Variants in PNPLA8 observed in about 807,000 individuals in gnomAD.
PNPLA8 encodes the protein patatin like domain 8, phospholipase A2.
Under a neutral mutation model 76.9 loss-of-function variants are expected in PNPLA8, and 39 were observed. The observed-to-expected ratio is 0.51, with a 90% CI of 0.39 to 0.66. The LOEUF (loss-of-function observed/expected upper bound fraction) is 0.66, where lower values mean the gene tolerates loss of function less well. PNPLA8 is among the 30% of genes least tolerant of loss of function. PNPLA8 has a pLI of 0.00. For synonymous variants in PNPLA8, 301 were observed against 307.9 expected (o/e 0.98, Z 0.24); for missense variants, 887 against 918.0 (o/e 0.97, Z 0.44).
chr7:108,482,907 C>G (rs1461883049), intron 9 of PNPLA8, among the ~76,000 whole-genome samples: 2 of 152,124 alleles, frequency 1.3e-5, no homozygotes, highest in Non-Finnish European at 1.5e-5. Context: ...GCTTAAAGGT[C>G]CCATTAAGAA....
At chr7:108,505,340 ATATATATATATATTTTTTTTTT>A (rs2154516111) in intron 4 of PNPLA8, among the ~76,000 whole-genome samples, 1 of 5,564 alleles carries the variant, frequency 1.8e-4, no homozygotes, top group Non-Finnish European at 2.6e-4. Context: ...ATATATATAT[ATATATATATATATTTTTTTTTT>A]TTTTTTTTTT....
chr7:108,491,515 C>G (rs760731569), intron 7 of PNPLA8, 48 bp from the exon 8 acceptor site: 8 of 1,158,392 alleles, frequency 6.9e-6, no homozygotes, highest in Non-Finnish European at 1.0e-5. Flanking sequence ...GACTTTATCT[C>G]CTAACAACCA....
rs755156310 is a variant in PNPLA8, at chr7:108,472,715, A to AGAGGGGAAG, written c.2075-41_2075-40insCTTCCCCTC. On this transcript the variant is annotated intron_variant, in intron 10 of 10. Transcript: ENST00000257694. ...AAGAAAAGGATAAGGGGATAAGAAAAGAGGGGATAAAGTGAGCAATGAACT... is the reference window on the plus strand; with the variant it reads ...AAGAAAAGGATAAGGGGATAAGAAAAGAGGGGAAGGAGGGGATAAAGTGAGCAATGAACT... The AGAGGGGAAG allele has an allele frequency of 7.7e-6, 11 of 1,435,692 alleles. No homozygotes were observed. The South Asian group carries it at 1.6e-4, about 20-fold the overall frequency. 88.9% of individuals were successfully genotyped at this position (1,435,692 alleles called of 1,614,324 possible). A position where few individuals can be genotyped will look rare whatever the true frequency, so the allele number is the denominator to read the frequency against.
intron 9 of PNPLA8, among the ~76,000 whole-genome samples, chr7:108,480,186 G>C (rs1043024537): frequency 6.6e-6 from 1 of 152,026 alleles, no homozygotes; most frequent in African/African-American, 2.4e-5. Context: ...GAGCAACATA[G>C]GGACACCTGG....
Position 108,472,486 on chromosome 7 carries a change from TCTTGA to T in PNPLA8, c.2259_2263del (p.Ser753ArgfsTer9), listed in dbSNP as rs751849953. ...ATTAATTTTCTGCAGAGTTGTTTTT[TCTTGA>T]CTTAATATTTTTGCAACTTTTTTCA... On this transcript the variant is annotated frameshift_variant, in exon 11 of 11. Coordinates refer to ENST00000257694, the MANE Select transcript of PNPLA8 (RefSeq NM_001256007.3). LOFTEE classifies it high-confidence loss of function. 2.1e-5 allele frequency: 33 copies of T among 1,607,732 alleles called. No individual in the cohort carries two copies. The highest frequency in any genetic ancestry group is 2.7e-5 in the Non-Finnish European group (32 of 1,176,630).
At chr7:108,478,685 C>A (rs1487358023) in intron 10 of PNPLA8, among the ~76,000 whole-genome samples, 1 of 152,148 alleles carries the variant, frequency 6.6e-6, no homozygotes, top group Non-Finnish European at 1.5e-5. Flanking sequence ...AGCCATCGTG[C>A]CCAACCTAAT....
Position 108,514,764 on chromosome 7 carries a change from T to G in PNPLA8, c.728A>C (p.Glu243Ala). Reference protein sequence around the residue: ...KSELEDKKVEEGKLRSPDPGI... With the variant: ...KSELEDKKVEAGKLRSPDPGI... Reference sequence around the variant, plus strand: ...AGGATCTGGAGATCTTAATTTCCCCTCTTCTACCTTTTTATCTTCAAGTTC... The same window carrying G: ...AGGATCTGGAGATCTTAATTTCCCCGCTTCTACCTTTTTATCTTCAAGTTC... The change falls in exon 3 of 11, where the codon GAG (glutamate) becomes GCG (alanine). Residue 243 changes from glutamate to alanine, a missense_variant. Glu to Ala is a moderately radical substitution (Grantham distance 107). Transcript: ENST00000257694. The G allele has an allele frequency of 6.2e-7, 1 of 1,613,000 alleles. No individual in the cohort carries two copies. The highest frequency in any genetic ancestry group is 1.1e-5 in the South Asian group (1 of 91,054).
chr7:108,487,302 T>G (rs1052021446), intron 9 of PNPLA8, among the ~76,000 whole-genome samples: 1 of 152,182 alleles, frequency 6.6e-6, no homozygotes, highest in African/African-American at 2.4e-5. Flanking sequence ...TTAAATGAGA[T>G]AATGCATGCA....
chr7:108,490,476 TTC>T (rs1861068544), intron 8 of PNPLA8, among the ~76,000 whole-genome samples: 1 of 152,160 alleles, frequency 6.6e-6, no homozygotes. Context: ...CATATAAAAT[TTC>T]TCTTTAAAAA....
rs1364910907 is a variant in PNPLA8, at chr7:108,510,382, T to C, written c.1206+3762A>G. The stretch of plus-strand genomic sequence containing the variant: ...GAAAGGCAAGGAGGAAGCTTATCTA[T>C]GAAAAAGCAAAGCACTATCACAGGG... On this transcript the variant is annotated intron_variant, in intron 4 of 10. Transcript: ENST00000257694. 12 of 1,557,444 alleles carry C rather than the reference T, an allele frequency of 7.7e-6. No homozygotes were observed. The African/African-American group carries it at 8.1e-5, about 11-fold the overall frequency.
At position 108,514,946 on chromosome 7, in the gene PNPLA8, T is replaced by A. The variant is rs377392493; in HGVS notation, c.546A>T (p.Glu182Asp). ...GAAAAAGACTGCGTTTACCTATATC[T>A]TCTTCTTTGTCTATAATGTGACTTT... is the stretch of plus-strand genomic sequence containing the variant. ...EEKSHIIDKE[E>D]DIGKRSLFHY... Residue 182 changes from glutamate (E) to aspartate (D), a missense_variant, in exon 3 of 11, where the codon GAA becomes GAT. Transcript: ENST00000257694. The A allele has an allele frequency of 2.1e-5, 34 of 1,609,320 alleles. No homozygotes were observed. Among genetic ancestry groups the A allele is most frequent in the African/African-American group, 2.7e-5 (2 of 74,606 alleles).
intron 5 of PNPLA8, among the ~76,000 whole-genome samples, chr7:108,501,484 C>A (rs1046988598): frequency 2.6e-5 from 4 of 152,170 alleles, no homozygotes; most frequent in African/African-American, 9.7e-5. Context: ...GTAACCATCA[C>A]TTTATCAAGT....
At chr7:108,525,889 C>G (rs1036417014) in intron 1 of PNPLA8, 140 bp downstream of exon 1, 1 of 240,498 alleles carries the variant, frequency 4.2e-6, no homozygotes, top group East Asian at 1.8e-4. Context: ...AGCTCCTCCC[C>G]AAAGCCTGGC....
rs541211673 is a variant in PNPLA8, at chr7:108,503,499, G to A, written c.1207-857C>T. Among the ~76,000 whole-genome samples, 7 of 152,208 alleles carry A rather than the reference G, an allele frequency of 4.6e-5. No homozygotes were observed. The South Asian group carries it at 1.5e-3, about 32-fold the overall frequency. ...TATTGAGCTGTGAGGCCCCACTAGAGGAACTTGAGCAATGGTGGAGAATAA... is the reference window on the plus strand; with the variant it reads ...TATTGAGCTGTGAGGCCCCACTAGAAGAACTTGAGCAATGGTGGAGAATAA... On this transcript the variant is annotated intron_variant, in intron 4 of 10. Coordinates refer to ENST00000257694, the MANE Select transcript of PNPLA8 (RefSeq NM_001256007.3).
At chr7:108,516,827 A>G (rs1863379087) in intron 2 of PNPLA8, among the ~76,000 whole-genome samples, 1 of 152,088 alleles carries the variant, frequency 6.6e-6, no homozygotes, top group African/African-American at 2.4e-5. Context: ...ACTTGAATCC[A>G]GGAGGCAGAG....
In PNPLA8 at chr7:108,518,754, TATATAC is replaced by T. The variant is rs1420960766; in HGVS notation, c.-84+2716_-84+2721del. Among the ~76,000 whole-genome samples, 877 of 126,162 alleles carry T rather than the reference TATATAC, an allele frequency of 7.0e-3. 8 individuals carry two copies. Among genetic ancestry groups the T allele is most frequent in the African/African-American group, 0.025 (798 of 32,310 alleles). 82.8% of individuals were successfully genotyped at this position (126,162 alleles called of 152,430 possible). A position where few individuals can be genotyped will look rare whatever the true frequency, so the allele number is the denominator to read the frequency against. ...ATATATATATATATATATATATATA[TATATAC>T]ACACACACACACACATATATTAAGA... is the stretch of plus-strand genomic sequence containing the variant. On this transcript the variant is annotated intron_variant, in intron 2 of 10. Transcript: ENST00000257694.
Position 108,487,878 on chromosome 7 carries a change from G to A in PNPLA8, c.1759C>T (p.Pro587Ser), listed in dbSNP as rs1860858939. Residue 587 changes from proline to serine, a missense_variant, in exon 9 of 11, where the codon CCT becomes TCT. Physicochemically the swap from Pro to Ser is moderately conservative, Grantham distance 74 (BLOSUM62 -1). Coordinates refer to ENST00000257694, the MANE Select transcript of PNPLA8 (RefSeq NM_001256007.3). ...AFVFRNYGHF[P>S]GINSHYLGGC... ...CCCAAATAATGAGAGTTGATTCCAG[G>A]AAAATGACCATAGTTTCTGAACACA... 4.3e-6 allele frequency: 7 copies of A among 1,613,304 alleles called. No homozygotes were observed. The highest frequency in any genetic ancestry group is 5.9e-6 in the Non-Finnish European group (7 of 1,179,372).
intron 9 of PNPLA8, among the ~76,000 whole-genome samples, chr7:108,486,313 A>G (rs1354577974): frequency 6.6e-6 from 1 of 152,168 alleles, no homozygotes; most frequent in Non-Finnish European, 1.5e-5. Context: ...TATATTTTAC[A>G]TACACTGTCT....
intron 4 of PNPLA8, among the ~76,000 whole-genome samples, chr7:108,513,879 G>A (rs1465095538): frequency 6.6e-6 from 1 of 152,038 alleles, no homozygotes; most frequent in Non-Finnish European, 1.5e-5. Flanking sequence ...GCAGCTGTTA[G>A]GCAATTCAAC....
Sources: gnomAD v4.1 joint callset for allele counts (sites outside exome capture counted in the v4.1 genomes callset) on GRCh38, gnomAD v4.1.1 for gene constraint, MANE v1.5 for transcripts, NCBI Gene and HGNC (gene_info 2026-07-23, HGNC 2026-07-21) for gene names.